The following MAP1B variants were observed in gnomAD, a reference collection of about 807,000 sequenced individuals.
MAP1B encodes the protein microtubule-associated protein 1B.
Under a neutral mutation model 176.1 loss-of-function variants are expected in MAP1B, and 12 were observed. The observed-to-expected ratio is 0.07, with a 90% CI of 0.04 to 0.11. MAP1B has a LOEUF of 0.11. Ranked by LOEUF, MAP1B falls within the 10% of genes least tolerant of loss-of-function variation. MAP1B has a pLI of 1.00. For synonymous variants in MAP1B, 1,044 were observed against 1,135.0 expected, an observed-to-expected ratio of 0.92 and a Z score of 1.61; for missense variants, 2,523 against 2,990.5, an observed-to-expected ratio of 0.84 and a Z score of 3.65.
rs1028067395 is a variant in MAP1B at position 72,204,432 on chromosome 5, T to A, written c.7251+631T>A. On this transcript the variant is annotated intron_variant, in intron 6 of 6. Transcript: ENST00000296755. The surrounding 1 kb of genome is among the most constrained non-coding windows in gnomAD (Gnocchi z 4.4). ...CTATTATTAATTCAGCTGTGATCTTTGCTTATCAAGTTTTATTTGTGGTTC... is the reference window on the plus strand; with the variant it reads ...CTATTATTAATTCAGCTGTGATCTTAGCTTATCAAGTTTTATTTGTGGTTC... Among the ~76,000 whole-genome samples, 1 of 152,254 alleles carries A rather than the reference T, an allele frequency of 6.6e-6. No homozygotes were observed. Among genetic ancestry groups the A allele is most frequent in the African/African-American group, 2.4e-5 (1 of 41,468 alleles).
intron 1 of MAP1B, among the ~76,000 whole-genome samples, chr5:72,109,053 C>T (rs576432266): frequency 4.7e-4 from 71 of 152,162 alleles, no homozygotes; most frequent in Middle Eastern, 3.2e-3. Context: ...TCCCCACTCC[C>T]CCTCCCCAAT....
At chr5:72,110,694 C>T (rs776208446) in intron 1 of MAP1B, among the ~76,000 whole-genome samples, 1 of 152,140 alleles carries the variant, frequency 6.6e-6, no homozygotes, top group Admixed American at 6.5e-5. Flanking sequence ...AAGGCAGTTC[C>T]GCATCTGTTA....
chr5:72,208,754 C>T lies in MAP1B; in HGVS notation c.*3515C>T, dbSNP rs929699813. 2.6e-5 allele frequency: 4 copies of T among 152,156 alleles called. No individual in the cohort carries two copies. The highest frequency in any genetic ancestry group is 5.9e-5 in the Non-Finnish European group (4 of 68,020). The allele number at this position is 152,156 out of a possible 1,614,324, so 9.4% of individuals were successfully genotyped here. On this transcript the variant is annotated 3_prime_UTR_variant, in exon 7 of 7. Coordinates refer to ENST00000296755, the MANE Select transcript of MAP1B (RefSeq NM_005909.5). The stretch of plus-strand genomic sequence containing the variant: ...CATTTGCTAATGGAAATCTTACCAC[C>T]TTTCATTTTCCCTCTGTTACCAAAT...
At chr5:72,147,113 C>G (rs1288363518) in intron 2 of MAP1B, among the ~76,000 whole-genome samples, 1 of 151,920 alleles carries the variant, frequency 6.6e-6, no homozygotes, top group Non-Finnish European at 1.5e-5. Context: ...GGACTACAGG[C>G]CTGCGCCACC....
chr5:72,136,426 G>T (rs1745838163), intron 2 of MAP1B, among the ~76,000 whole-genome samples: 2 of 152,138 alleles, frequency 1.3e-5, no homozygotes, highest in Admixed American at 1.3e-4. Context: ...GAGTAGTCGG[G>T]TCATCTTCCC....
At chr5:72,133,700 A>G (rs917875441) in intron 2 of MAP1B, among the ~76,000 whole-genome samples, 3 of 152,224 alleles carry the variant, frequency 2.0e-5, no homozygotes, top group Middle Eastern at 3.2e-3. Context: ...ACAAAATACA[A>G]AGACAGTCTT....
intron 1 of MAP1B, among the ~76,000 whole-genome samples, chr5:72,111,098 C>T (rs1025390410): frequency 4.6e-5 from 7 of 151,074 alleles, no homozygotes; most frequent in Non-Finnish European, 7.3e-5. Context: ...CTCTTTGGCA[C>T]CTCCTTTTTC....
At chr5:72,200,969 G>C (rs1747321801) in intron 5 of MAP1B, among the ~76,000 whole-genome samples, 1 of 152,144 alleles carries the variant, frequency 6.6e-6, no homozygotes, top group Admixed American at 6.5e-5. Flanking sequence ...ACCAGTGAGT[G>C]TCCGGTGAAA....
At chr5:72,170,733 G>A (rs1027752099) in intron 2 of MAP1B, among the ~76,000 whole-genome samples, 3 of 152,306 alleles carry the variant, frequency 2.0e-5, no homozygotes, top group Admixed American at 1.3e-4. Flanking sequence ...GCTGAGGTGG[G>A]TGGATCACCT....
Position 72,200,214 on chromosome 5 carries a change from G to A in MAP1B, c.6859G>A (p.Val2287Met). Residue 2287 changes from valine (V) to methionine (M), a missense_variant, in exon 5 of 7, where the codon GTG becomes ATG. Val to Met is a conservative substitution (Grantham distance 21, BLOSUM62 1). This residue lies in a region of MAP1B where 287 missense variants were observed against 401.5 expected (regional missense o/e 0.71). Coordinates refer to ENST00000296755, the MANE Select transcript of MAP1B (RefSeq NM_005909.5). ...AGAATCCTCGGATAAAGTGTCCAGG[G>A]TGGCTTCTCCTAAGAAGAAAGAATC... ...LKESSDKVSRVASPKKKESVE... is the reference protein window; with the variant it reads ...LKESSDKVSRMASPKKKESVE... 9 of 1,614,184 alleles carry A rather than the reference G, an allele frequency of 5.6e-6. No individual in the cohort carries two copies. In the Middle Eastern group the frequency reaches 6.6e-4, roughly 118 times the overall value.
At chr5:72,138,931 TG>T (rs1296131589) in intron 2 of MAP1B, among the ~76,000 whole-genome samples, 2 of 152,168 alleles carry the variant, frequency 1.3e-5, no homozygotes, top group African/African-American at 2.4e-5. Flanking sequence ...TTTTATGCAG[TG>T]GGCACATAGT....
Position 72,199,313 on chromosome 5 carries a change from C to A in MAP1B, c.5958C>A (p.Asp1986Glu), listed in dbSNP as rs1253459776. 6.2e-7 allele frequency: 1 copy of A among 1,614,164 alleles called. No homozygotes were observed. The change falls in exon 5 of 7, where the codon GAC becomes GAA. Residue 1986 changes from aspartate to glutamate, a missense_variant. This residue lies in a region of MAP1B where 1,925 missense variants were observed against 2,126.0 expected (regional missense o/e 0.91). Transcript: ENST00000296755. This position sits in a 1 kb window ranked among gnomAD's most constrained non-coding sequence, Gnocchi z 4.2. The part of the protein sequence containing the change: ...KTERSRRLLD[D>E]ISNGYDDSED... ...AGAGGTCTAGAAGGCTTCTGGATGA[C>A]ATCAGCAATGGCTATGATGACTCTG...
chr5:72,189,308 A>G (rs1746976072), intron 4 of MAP1B, among the ~76,000 whole-genome samples: 1 of 152,160 alleles, frequency 6.6e-6, no homozygotes, highest in Non-Finnish European at 1.5e-5. Context: ...GGATGGTGAA[A>G]TCATCATCTC....
chr5:72,147,698 G>A (rs1746071404), intron 2 of MAP1B, among the ~76,000 whole-genome samples: 1 of 152,216 alleles, frequency 6.6e-6, no homozygotes, highest in South Asian at 2.1e-4. Flanking sequence ...ACAGACAGAA[G>A]GTGAGTGGTG....
intron 2 of MAP1B, among the ~76,000 whole-genome samples, chr5:72,125,939 T>G (rs567993505): frequency 6.7e-6 from 1 of 150,164 alleles, no homozygotes; most frequent in Non-Finnish European, 1.5e-5. Flanking sequence ...ATGTATAAGC[T>G]TAATTTCAAG....
chr5:72,139,575 C>T (rs1745904192), intron 2 of MAP1B, among the ~76,000 whole-genome samples: 1 of 152,116 alleles, frequency 6.6e-6, no homozygotes. Flanking sequence ...TCAGAGGTGT[C>T]CGAAGTCATC....
intron 2 of MAP1B, among the ~76,000 whole-genome samples, chr5:72,158,667 C>T (rs1468021188): frequency 6.6e-6 from 1 of 152,074 alleles, no homozygotes; most frequent in African/African-American, 2.4e-5. Context: ...AAATCCTGGG[C>T]TCAGTGGAAA....
chr5:72,193,306 C>A, intron 4 of MAP1B: 1 of 413,778 alleles, frequency 2.4e-6, no homozygotes, highest in Non-Finnish European at 4.7e-6. Flanking sequence ...AACAAGTGCC[C>A]TGTTAATCTG....
rs79537580 is a variant in MAP1B, at chr5:72,125,658, A to G, written c.286+9859A>G. On this transcript the variant is annotated intron_variant, in intron 2 of 6. Transcript: ENST00000296755. ...GCAAGGAGGTCCTTCTGTAAATTCT[A>G]TTTGTTCAGGCTATTTTAAAAAAAT... Among the ~76,000 whole-genome samples, 961 of 152,314 alleles carry G rather than the reference A, an allele frequency of 6.3e-3. 9 individuals are homozygous for G. The highest frequency in any genetic ancestry group is 0.022 in the African/African-American group (919 of 41,562).
Sources: allele counts gnomAD v4.1 joint callset (sites outside exome capture counted in the v4.1 genomes callset), GRCh38; gene constraint gnomAD v4.1.1; regional missense constraint gnomAD v4.1.1; non-coding constraint Gnocchi (gnomAD v3.1); transcripts MANE v1.5; gene names NCBI Gene and HGNC (gene_info 2026-07-23, HGNC 2026-07-21).